The following GPHN variants were observed in gnomAD, a reference collection of about 807,000 sequenced individuals.
The protein encoded by GPHN is gephyrin.
A neutral mutation model predicts 95.5 loss-of-function variants in GPHN; 17 were observed. The observed-to-expected ratio is 0.18, with a 90% CI of 0.12 to 0.27. GPHN has a LOEUF of 0.27. GPHN is among the 10% of genes least tolerant of loss of function. The pLI is 1.00. For missense variants in GPHN, 660 were observed against 978.1 expected (o/e 0.67, Z 4.34); for synonymous variants, 320 against 322.5 (o/e 0.99, Z 0.08).
intron 5 of GPHN, among the ~76,000 whole-genome samples, chr14:66,887,437 A>C (rs1169497887): frequency 6.6e-6 from 1 of 152,148 alleles, no homozygotes; most frequent in East Asian, 1.9e-4. Flanking sequence ...AATACAAAAA[A>C]TTAGCTGGGC....
chr14:67,340,434 A>G, the GPHN span: 2 of 1,612,552 alleles, frequency 1.2e-6, no homozygotes, highest in Non-Finnish European at 8.5e-7. Flanking sequence ...GCCAATTTCA[A>G]CAAACCTATA....
At chr14:67,270,884 T>C in the GPHN span, 17 of 152,300 alleles carry the variant, frequency 1.1e-4, no homozygotes, top group African/African-American at 3.8e-4. Flanking sequence ...AGATTTCTTG[T>C]AGAATTAGGG....
the GPHN span, among the ~76,000 whole-genome samples, chr14:67,432,604 C>A: frequency 6.6e-6 from 1 of 152,184 alleles, no homozygotes; most frequent in Non-Finnish European, 1.5e-5. Flanking sequence ...ATGTGAAGAG[C>A]CTGGTGTTCT....
rs537962493 is a variant in GPHN at position 66,916,183 on chromosome 14, A to G, written c.456+114A>G. 10 of 723,774 alleles carry G rather than the reference A, an allele frequency of 1.4e-5. No individual in the cohort carries two copies. In the African/African-American group the frequency reaches 1.7e-4, roughly 13 times the overall value. 44.8% of individuals were successfully genotyped at this position (723,774 alleles called of 1,614,324 possible). On this transcript the variant is annotated intron_variant, in intron 6 of 22. Coordinates refer to ENST00000478722, the MANE Select transcript of GPHN (RefSeq NM_020806.5). ...AAGACTGCCCTCACATCTGATACCAATTGCAGGATTCCCAAAGTCACTCTT... is the reference window on the plus strand; with the variant it reads ...AAGACTGCCCTCACATCTGATACCAGTTGCAGGATTCCCAAAGTCACTCTT...
At chr14:67,428,024 C>T in the GPHN span, among the ~76,000 whole-genome samples, 1 of 151,588 alleles carries the variant, frequency 6.6e-6, no homozygotes, top group South Asian at 2.1e-4. Context: ...CGGGTTCAAG[C>T]GATTCTCCTG....
intron 5 of GPHN, among the ~76,000 whole-genome samples, chr14:66,883,758 C>T (rs1428927818): frequency 1.3e-5 from 2 of 152,026 alleles, no homozygotes; most frequent in Admixed American, 1.3e-4. Flanking sequence ...AGTGTCTGCC[C>T]AGTACATGAA....
chr14:66,922,883 C>A lies in GPHN; in HGVS notation c.674C>A (p.Ala225Asp). 6.2e-7 allele frequency: 1 copy of A among 1,613,428 alleles called. No individual in the cohort carries two copies. The highest frequency in any genetic ancestry group is 8.5e-7 in the Non-Finnish European group (1 of 1,179,616). ...EEEEKKDSGV[A>D]STEDSSSSHI... The stretch of plus-strand genomic sequence containing the variant: ...GAAGAGAAGAAAGACAGTGGTGTTG[C>A]TTCAACAGAAGATAGTTCCTCATCA... The change falls in exon 7 of 23, where the codon GCT becomes GAT. Residue 225 changes from alanine to aspartate, a missense_variant. Ala to Asp is a moderately radical substitution (Grantham distance 126). Transcript: ENST00000478722.
chr14:67,698,070 T>C, the GPHN span, among the ~76,000 whole-genome samples: 53 of 152,350 alleles, frequency 3.5e-4, 1 homozygote, highest in African/African-American at 1.2e-3. Context: ...GCAGTCAACA[T>C]TGAAGTCAGC....
chr14:67,651,817 G>A, the GPHN span: 10 of 226,180 alleles, frequency 4.4e-5, no homozygotes, highest in Non-Finnish European at 7.9e-5. Flanking sequence ...GCTCAGGATG[G>A]GTCCTGCCCT....
At chr14:66,674,389 G>A (rs988039506) in intron 1 of GPHN, among the ~76,000 whole-genome samples, 4 of 152,046 alleles carry the variant, frequency 2.6e-5, no homozygotes, top group East Asian at 1.9e-4. Context: ...GAGCCACTGC[G>A]CCTGGTCCTT....
chr14:67,610,914 ACTT>A, the GPHN span: 1 of 151,014 alleles, frequency 6.6e-6, no homozygotes, highest in African/African-American at 2.4e-5. Flanking sequence ...CTTTGCTACA[ACTT>A]CTGCGGTTCT....
At chr14:66,662,391 A>G (rs2065713862) in intron 1 of GPHN, among the ~76,000 whole-genome samples, 1 of 152,152 alleles carries the variant, frequency 6.6e-6, no homozygotes, top group Non-Finnish European at 1.5e-5. Flanking sequence ...TAAGGCGACT[A>G]GGGACTAGAG....
At chr14:66,946,565 C>G (rs927606290) in intron 8 of GPHN, among the ~76,000 whole-genome samples, 2 of 152,096 alleles carry the variant, frequency 1.3e-5, no homozygotes, top group African/African-American at 4.8e-5. Context: ...ACTACCACAC[C>G]TGGCAGATTT....
intron 1 of GPHN, among the ~76,000 whole-genome samples, chr14:66,579,527 A>T (rs2061064081): frequency 6.6e-6 from 1 of 151,884 alleles, no homozygotes; most frequent in African/African-American, 2.4e-5. Context: ...TAGTCTATGA[A>T]AATGGAAACG....
chr14:67,327,165 ACT>A, the GPHN span, among the ~76,000 whole-genome samples: 11 of 151,912 alleles, frequency 7.2e-5, no homozygotes, highest in Admixed American at 3.9e-4. Context: ...ACAGAGTAAG[ACT>A]CTCAAAAAAA....
At chr14:67,210,356 C>G in the GPHN span, among the ~76,000 whole-genome samples, 2 of 151,746 alleles carry the variant, frequency 1.3e-5, 1 homozygote, top group South Asian at 4.2e-4. Context: ...GAGGCTGAGG[C>G]AGGAGGACTG....
chr14:66,585,478 G>C (rs1303235091), intron 1 of GPHN, among the ~76,000 whole-genome samples: 1 of 152,148 alleles, frequency 6.6e-6, no homozygotes, highest in Non-Finnish European at 1.5e-5. Flanking sequence ...TAATTGTGAT[G>C]TTAGGGTGTC....
chr14:67,043,301 C>G (rs1040986405), intron 10 of GPHN, among the ~76,000 whole-genome samples: 1 of 152,120 alleles, frequency 6.6e-6, no homozygotes, highest in Non-Finnish European at 1.5e-5. Flanking sequence ...TCATCCTTGT[C>G]TTGTGCTGGT....
At chr14:66,737,973 G>A (rs180937021) in intron 2 of GPHN, among the ~76,000 whole-genome samples, 2 of 152,306 alleles carry the variant, frequency 1.3e-5, no homozygotes, top group East Asian at 3.9e-4. Context: ...ACTCTTCTCT[G>A]AATTTGCTGT....
Sources: allele counts gnomAD v4.1 joint callset (sites outside exome capture counted in the v4.1 genomes callset), GRCh38; gene constraint gnomAD v4.1.1; transcripts MANE v1.5; gene names NCBI Gene and HGNC (gene_info 2026-07-23, HGNC 2026-07-21).